The following IFNAR2 variants were observed in gnomAD, a reference collection of about 807,000 sequenced individuals.
IFNAR2 encodes interferon alpha/beta receptor 2.
A neutral mutation model predicts 49.4 loss-of-function variants in IFNAR2; 30 were observed. The observed-to-expected ratio is 0.61, with a 90% CI of 0.45 to 0.82. The LOEUF (loss-of-function observed/expected upper bound fraction) is 0.82. Among genes scored for constraint, IFNAR2 ranks in the 40% least tolerant of loss-of-function variants. The probability of loss-of-function intolerance (pLI) is 0.00; values close to 1 mark genes in which losing one functional copy is unlikely to be tolerated. For synonymous variants in IFNAR2, 224 were observed against 234.5 expected (o/e 0.96, Z 0.41); for missense variants, 600 against 622.7 (o/e 0.96, Z 0.39).
At chr21:33,260,313 A>G (rs1259471464) in intron 7 of IFNAR2, among the ~76,000 whole-genome samples, 1 of 152,194 alleles carries the variant, frequency 6.6e-6, no homozygotes, top group Non-Finnish European at 1.5e-5. Flanking sequence ...AATTTTAATC[A>G]TTTAAATTCA....
At position 33,230,376 on chromosome 21, in the gene IFNAR2, G is replaced by A. The variant is rs1985953617; in HGVS notation, c.-84+160G>A. 3 of 578,048 alleles carry A rather than the reference G, an allele frequency of 5.2e-6. No homozygotes were observed. In the South Asian group the frequency reaches 5.7e-5, roughly 11 times the overall value. The allele number at this position is 578,048 out of a possible 1,614,324, so 35.8% of individuals were successfully genotyped here. On this transcript the variant is annotated intron_variant, in intron 1 of 8. Coordinates refer to ENST00000342136, the MANE Select transcript of IFNAR2 (RefSeq NM_001289125.3). This position sits in a 1 kb window ranked among gnomAD's most constrained non-coding sequence, Gnocchi z 5.5. ...TGCCCTCCCTCTGCGTCTTGAGTATGCGGCTAGTGCGCCCTTCCTCTCTCC... is the reference window on the plus strand; with the variant it reads ...TGCCCTCCCTCTGCGTCTTGAGTATACGGCTAGTGCGCCCTTCCTCTCTCC...
At chr21:33,246,446 G>A (rs1987415660) in intron 4 of IFNAR2, among the ~76,000 whole-genome samples, 1 of 152,188 alleles carries the variant, frequency 6.6e-6, no homozygotes, top group South Asian at 2.1e-4. Context: ...CCCTCCTGGA[G>A]CAGACATTAT....
At chr21:33,233,563 C>G (rs1246851927) in intron 1 of IFNAR2, among the ~76,000 whole-genome samples, 2 of 152,090 alleles carry the variant, frequency 1.3e-5, no homozygotes, top group Admixed American at 6.5e-5. Flanking sequence ...AAAACAAAAT[C>G]AAGCTCGCCT....
intron 1 of IFNAR2, among the ~76,000 whole-genome samples, chr21:33,233,817 TTATTC>T (rs1328515044): frequency 1.3e-5 from 2 of 152,102 alleles, no homozygotes; most frequent in African/African-American, 2.4e-5. Context: ...TGGTGAGTAT[TTATTC>T]TATTTAAATA....
In IFNAR2 at chr21:33,252,545, A is replaced by G. The variant is rs2123503310; in HGVS notation, c.541-117A>G. ...AGATGACTTATAAATCCTTTTTCTT[A>G]CCAAGCCTGTGATAAATCTAACCCT... is the stretch of plus-strand genomic sequence containing the variant. On this transcript the variant is annotated intron_variant, in intron 6 of 8. Transcript: ENST00000342136. 6.2e-6 allele frequency: 9 copies of G among 1,459,280 alleles called. No individual in the cohort carries two copies. The East Asian group carries it at 7.3e-5, about 12-fold the overall frequency. The allele number at this position is 1,459,280 out of a possible 1,614,324, so 90.4% of individuals were successfully genotyped here. A position where few individuals can be genotyped will look rare whatever the true frequency, so the allele number is the denominator to read the frequency against.
intron 3 of IFNAR2, among the ~76,000 whole-genome samples, chr21:33,244,541 A>C (rs1987243050): frequency 6.6e-6 from 1 of 152,150 alleles, no homozygotes; most frequent in Non-Finnish European, 1.5e-5. Flanking sequence ...GGAGGACTTC[A>C]TGGAGGAGCT....
At chr21:33,234,872 AG>A in intron 1 of IFNAR2, 3 of 312,354 alleles carry the variant, frequency 9.6e-6, no homozygotes, top group Non-Finnish European at 1.4e-5. Context: ...AAGGAATGAA[AG>A]GGTGGCTACT....
intron 2 of IFNAR2, 105 bp downstream of exon 2, chr21:33,242,082 C>T: frequency 3.2e-6 from 3 of 939,238 alleles, no homozygotes; most frequent in South Asian, 1.6e-5. Context: ...GACTAGAGGA[C>T]CCAGTACCAC....
intron 8 of IFNAR2, chr21:33,262,519 A>C: frequency 1.5e-6 from 1 of 687,874 alleles, no homozygotes; most frequent in Non-Finnish European, 2.7e-6. Flanking sequence ...CATCAACTGC[A>C]TCATCATTCA....
chr21:33,242,473 C>A (rs546450836), intron 2 of IFNAR2, among the ~76,000 whole-genome samples: 1 of 152,052 alleles, frequency 6.6e-6, no homozygotes, highest in African/African-American at 2.4e-5. Context: ...TGGCTCGCGC[C>A]TGTAATCCCT....
At chr21:33,252,378 AC>A in intron 6 of IFNAR2, 1 of 1,037,634 alleles carries the variant, frequency 9.6e-7, no homozygotes, top group Non-Finnish European at 1.3e-6. Flanking sequence ...CGTCACAGAG[AC>A]TTTTATTCCT....
In IFNAR2 at chr21:33,258,960, C is replaced by T. The variant is rs182846603; in HGVS notation, c.710-1637C>T. Among the ~76,000 whole-genome samples, 176 of 152,168 alleles carry T rather than the reference C, an allele frequency of 1.2e-3. 3 individuals are homozygous for T. The highest frequency in any genetic ancestry group is 6.8e-3 in the Middle Eastern group (2 of 294). On this transcript the variant is annotated intron_variant, in intron 7 of 8. Transcript: ENST00000342136. ...TTACTGCAGTCACCCAGGGGAGAGGCGGTCTTACTTGTTCCAGAGAGGTAA... is the reference window on the plus strand; with the variant it reads ...TTACTGCAGTCACCCAGGGGAGAGGTGGTCTTACTTGTTCCAGAGAGGTAA...
In IFNAR2 at chr21:33,230,819, C is replaced by T. The variant is rs1158949394; in HGVS notation, c.-84+603C>T. 6.6e-6 allele frequency among the ~76,000 whole-genome samples: 1 copy of T among 152,134 alleles called. No individual in the cohort carries two copies. The highest frequency in any genetic ancestry group is 1.5e-5 in the Non-Finnish European group (1 of 68,024). Reference sequence around the variant, plus strand: ...CCGCGGAGACAGAAGGGTGCACCCTCCCAGGGTCGGAGAGGGGAGATACTG... The same window carrying T: ...CCGCGGAGACAGAAGGGTGCACCCTTCCAGGGTCGGAGAGGGGAGATACTG... On this transcript the variant is annotated intron_variant, in intron 1 of 8. Transcript: ENST00000342136. The surrounding 1 kb of genome is among the most constrained non-coding windows in gnomAD (Gnocchi z 5.5).
chr21:33,244,115 A>G (rs1987206475), intron 3 of IFNAR2, among the ~76,000 whole-genome samples: 1 of 152,212 alleles, frequency 6.6e-6, no homozygotes, highest in South Asian at 2.1e-4. Context: ...TCCTACGTAT[A>G]TAAATCTGTC....
At chr21:33,244,111 G>A (rs914209109) in intron 3 of IFNAR2, among the ~76,000 whole-genome samples, 1 of 151,976 alleles carries the variant, frequency 6.6e-6, no homozygotes, top group Non-Finnish European at 1.5e-5. Context: ...TTCTTCCTAC[G>A]TATATAAATC....
chr21:33,239,784 G>A (rs960949765), intron 1 of IFNAR2, among the ~76,000 whole-genome samples: 6 of 150,026 alleles, frequency 4.0e-5, no homozygotes, highest in African/African-American at 7.4e-5. Context: ...CCTCAATGTT[G>A]TGAGCTACAG....
At chr21:33,253,763 A>G (rs1019503258) in intron 7 of IFNAR2, among the ~76,000 whole-genome samples, 20 of 152,210 alleles carry the variant, frequency 1.3e-4, no homozygotes, top group Admixed American at 1.2e-3. Context: ...TAGACCATGT[A>G]GGGTAACTTC....
chr21:33,247,883 G>T (rs370708916), intron 5 of IFNAR2, among the ~76,000 whole-genome samples: 1 of 152,270 alleles, frequency 6.6e-6, no homozygotes, highest in South Asian at 2.1e-4. Flanking sequence ...GAATCCCCCT[G>T]TGGCAAACAA....
intron 2 of IFNAR2, 129 bp downstream of exon 2, chr21:33,242,106 A>G: frequency 2.7e-6 from 2 of 745,592 alleles, no homozygotes; most frequent in Non-Finnish European, 4.3e-6. Flanking sequence ...GCCTAGTGTC[A>G]GGAGTTAAGT....
Sources: allele counts gnomAD v4.1 joint callset (sites outside exome capture counted in the v4.1 genomes callset), GRCh38; gene constraint gnomAD v4.1.1; non-coding constraint Gnocchi (gnomAD v3.1); transcripts MANE v1.5; gene names NCBI Gene and HGNC (gene_info 2026-07-23, HGNC 2026-07-21).